The following CNNM3 variants were observed in gnomAD, a reference collection of about 807,000 sequenced individuals.
The protein encoded by CNNM3 is metal transporter CNNM3.
A neutral mutation model predicts 57.1 loss-of-function variants in CNNM3; 47 were observed. The ratio of observed to expected loss-of-function variants is 0.82; its 90% CI spans 0.65 to 1.05. The LOEUF is 1.05. Ranked by LOEUF, CNNM3 falls within the 50% of genes least tolerant of loss-of-function variation. The probability of loss-of-function intolerance (pLI) is 0.00; values close to 1 mark genes in which losing one functional copy is unlikely to be tolerated. For synonymous variants in CNNM3, 507 were observed against 478.2 expected, an observed-to-expected ratio of 1.06 and a Z score of -0.79; for missense variants, 957 against 973.7, an observed-to-expected ratio of 0.98 and a Z score of 0.23.
At position 96,816,294 on chromosome 2, in the gene CNNM3, C is replaced by G. The variant is rs536174643; in HGVS notation, c.17C>G (p.Ala6Gly). ...CAGCAGGCGATGGCGGCGGCGGTAGCTGCGGCGGGTCGGTTAGGCTGGTTG... is the reference window on the plus strand; with the variant it reads ...CAGCAGGCGATGGCGGCGGCGGTAGGTGCGGCGGGTCGGTTAGGCTGGTTG... MAAAV[A>G]AAGRLGWLFA... Residue 6 changes from alanine (A) to glycine (G), a missense_variant, in exon 1 of 8, where the codon GCT (alanine) becomes GGT (glycine). Ala to Gly is a moderately conservative substitution (Grantham distance 60). This residue lies in a region of CNNM3 where 466 missense variants were observed against 403.1 expected (regional missense o/e 1.16). Transcript: ENST00000305510. 7 of 1,292,404 alleles carry G rather than the reference C, an allele frequency of 5.4e-6. No homozygotes were observed. Among genetic ancestry groups the G allele is most frequent in the Non-Finnish European group, 5.9e-6 (6 of 1,021,802 alleles). The allele number at this position is 1,292,404 out of a possible 1,614,324, so 80.1% of individuals were successfully genotyped here. A position where few individuals can be genotyped will look rare whatever the true frequency, so the allele number is the denominator to read the frequency against.
Position 96,817,033 on chromosome 2 carries a change from G to A in CNNM3, c.756G>A (p.Ala252=). 1.5e-6 allele frequency: 2 copies of A among 1,366,898 alleles called. No individual in the cohort carries two copies. The highest frequency in any genetic ancestry group is 9.5e-7 in the Non-Finnish European group (1 of 1,056,806). The allele number at this position is 1,366,898 out of a possible 1,614,324, so 84.7% of individuals were successfully genotyped here. A position where few individuals can be genotyped will look rare whatever the true frequency, so the allele number is the denominator to read the frequency against. The change falls in exon 1 of 8, where the codon GCG becomes GCA. Residue 252 remains alanine, a synonymous_variant. Coordinates refer to ENST00000305510, the MANE Select transcript of CNNM3 (RefSeq NM_017623.5). Reference sequence around the variant, plus strand: ...GCGGGCGCTGGACGCTGGCGCTGGCGCCGCGAGCGCTCGGCCTCAGCCGCC... The same window carrying A: ...GCGGGCGCTGGACGCTGGCGCTGGCACCGCGAGCGCTCGGCCTCAGCCGCC... ...AVSGRWTLAL[A]PRALGLSRLA...
Position 96,825,205 on chromosome 2 carries a change from A to G in CNNM3, c.1369+4A>G. 1 of 1,613,958 alleles carries G rather than the reference A, an allele frequency of 6.2e-7. No individual in the cohort carries two copies. The highest frequency in any genetic ancestry group is 8.5e-7 in the Non-Finnish European group (1 of 1,179,932). On this transcript the variant is annotated splice_donor_region_variant and intron_variant, in intron 2 of 7. Coordinates refer to ENST00000305510, the MANE Select transcript of CNNM3 (RefSeq NM_017623.5). ...CTGGACGAGTCTGAAGACTACCGTG[A>G]GTCCAGACTCTTGGCAGTTCTGTCT...
At chr2:96,820,226 GA>G (rs914361847) in intron 1 of CNNM3, among the ~76,000 whole-genome samples, 1 of 152,224 alleles carries the variant, frequency 6.6e-6, no homozygotes, top group Non-Finnish European at 1.5e-5. Flanking sequence ...AGCAGAGGTG[GA>G]ATTGGGAAGA....
chr2:96,826,876 T>G lies in CNNM3; in HGVS notation c.1413T>G (p.Pro471=). The part of the protein sequence containing the change: ...VKRKPASLMA[P]LKRKEEFSLF... The stretch of plus-strand genomic sequence containing the variant: ...GGAAGCCTGCTTCTCTGATGGCCCC[T>G]CTGAAGCGGAAGGAGGAGTTCTCCT... Residue 471 remains proline (P), a synonymous_variant, in exon 3 of 8, where the codon CCT becomes CCG. Coordinates refer to ENST00000305510, the MANE Select transcript of CNNM3 (RefSeq NM_017623.5). The G allele has an allele frequency of 6.2e-7, 1 of 1,614,234 alleles. No homozygotes were observed. Among genetic ancestry groups the G allele is most frequent in the Non-Finnish European group, 8.5e-7 (1 of 1,180,026 alleles).
At position 96,818,989 on chromosome 2, in the gene CNNM3, C is replaced by CAA. The variant is rs2079367030; in HGVS notation, c.1225+1487_1225+1488insAA. Among the ~76,000 whole-genome samples, 9 of 152,340 alleles carry CAA rather than the reference C, an allele frequency of 5.9e-5. No homozygotes were observed. The South Asian group carries it at 1.9e-3, about 32-fold the overall frequency. On this transcript the variant is annotated intron_variant, in intron 1 of 7. Coordinates refer to ENST00000305510, the MANE Select transcript of CNNM3 (RefSeq NM_017623.5). ...ACTCCTGACTGAGCACTGCCGTGTG[C>CAA]CAGGAGCTGATGGGCACTTTCTGTG...
rs1261533725 is a variant in CNNM3, at chr2:96,816,539, G to C, written c.262G>C (p.Glu88Gln). 6.7e-6 allele frequency: 9 copies of C among 1,344,274 alleles called. No individual in the cohort carries two copies. The highest frequency in any genetic ancestry group is 8.6e-6 in the Non-Finnish European group (9 of 1,049,322). The allele number at this position is 1,344,274 out of a possible 1,614,324, so 83.3% of individuals were successfully genotyped here. The stretch of plus-strand genomic sequence containing the variant: ...GGCCCCGGAGGGGGCGGGCTGCCGG[G>C]AGGAGGCGGCCTCCCCCGCGGGCGA... ...WVAPEGAGCR[E>Q]EAASPAGEWR... The change falls in exon 1 of 8, where the codon GAG (glutamate) becomes CAG (glutamine). Residue 88 changes from glutamate to glutamine, a missense_variant. By Grantham distance (29) the Glu-to-Gln change is conservative. Around this residue, in one of 2 missense-constraint regions of CNNM3, gnomAD observed 466 missense variants for 403.1 expected, o/e 1.16. Transcript: ENST00000305510.
intron 3 of CNNM3, among the ~76,000 whole-genome samples, 193 bp from the exon 4 acceptor site, chr2:96,827,538 G>T (rs2079529548): frequency 6.6e-6 from 1 of 152,188 alleles, no homozygotes; most frequent in Non-Finnish European, 1.5e-5. Flanking sequence ...AAAGTGTTGG[G>T]ATTACAGGCG....
chr2:96,829,702 AG>A (rs2079570223), intron 7 of CNNM3, among the ~76,000 whole-genome samples: 10 of 151,840 alleles, frequency 6.6e-5, no homozygotes, highest in Admixed American at 6.6e-4. Context: ...TGGTATTTAG[AG>A]TAGAGTATAG....
intron 6 of CNNM3, 53 bp from the exon 7 acceptor site, chr2:96,828,943 C>T: frequency 6.2e-7 from 1 of 1,601,972 alleles, no homozygotes; most frequent in Admixed American, 1.7e-5. Flanking sequence ...TTCCTGCCTA[C>T]CTTCTGCATC....
chr2:96,816,611 C>A lies in CNNM3; in HGVS notation c.334C>A (p.Pro112Thr). The A allele has an allele frequency of 3.4e-6, 4 of 1,183,736 alleles. No individual in the cohort carries two copies. Among genetic ancestry groups the A allele is most frequent in the Non-Finnish European group, 4.2e-6 (4 of 957,444 alleles). The allele number at this position is 1,183,736 out of a possible 1,614,324, so 73.3% of individuals were successfully genotyped here. Residue 112 changes from proline to threonine, a missense_variant, in exon 1 of 8, where the codon CCG (proline) becomes ACG (threonine). Pro to Thr is a conservative substitution (Grantham distance 38). Transcript: ENST00000305510. ...GCGCCTGCGGGCCGAGGCCGTGCGC[C>A]CGCACTCGGCGCTGCTGGCGGTGCG... ...RLRLRAEAVRPHSALLAVRVE... is the reference protein window; with the variant it reads ...RLRLRAEAVRTHSALLAVRVE...
In CNNM3 at chr2:96,832,822, G is replaced by A; in HGVS notation, c.*206G>A. ...CGGCCCTGCCCTCCTTTAGGAGACA[G>A]GAGTCACCAGGGCACAGCCCTCCAG... On this transcript the variant is annotated 3_prime_UTR_variant, in exon 8 of 8. Transcript: ENST00000305510. 1 of 1,513,772 alleles carries A rather than the reference G, an allele frequency of 6.6e-7. No homozygotes were observed. The highest frequency in any genetic ancestry group is 8.8e-7 in the Non-Finnish European group (1 of 1,133,186). 93.8% of individuals were successfully genotyped at this position (1,513,772 alleles called of 1,614,324 possible). A position where few individuals can be genotyped will look rare whatever the true frequency, so the allele number is the denominator to read the frequency against.
chr2:96,816,719 G>T lies in CNNM3; in HGVS notation c.442G>T (p.Ala148Ser). The T allele has an allele frequency of 9.9e-7, 1 of 1,012,416 alleles. No homozygotes were observed. The highest frequency in any genetic ancestry group is 1.7e-5 in the African/African-American group (1 of 57,380). 62.7% of individuals were successfully genotyped at this position (1,012,416 alleles called of 1,614,324 possible). The change falls in exon 1 of 8, where the codon GCA becomes TCA. Residue 148 changes from alanine (A) to serine (S), a missense_variant. Around this residue, in one of 2 missense-constraint regions of CNNM3, gnomAD observed 466 missense variants for 403.1 expected, o/e 1.16. Coordinates refer to ENST00000305510, the MANE Select transcript of CNNM3 (RefSeq NM_017623.5). The part of the protein sequence containing the change: ...GLGAAGLLAL[A>S]ALARGLQLSA... ...GGGGGCGGCCGGGCTGCTGGCGCTG[G>T]CAGCGCTGGCGCGAGGCCTGCAGCT...
At chr2:96,819,315 A>T (rs1195788989) in intron 1 of CNNM3, among the ~76,000 whole-genome samples, 3 of 152,208 alleles carry the variant, frequency 2.0e-5, no homozygotes, top group Non-Finnish European at 4.4e-5. Context: ...TCAGCGGAGT[A>T]GGTTCCATCC....
chr2:96,819,828 A>T (rs1405865961), intron 1 of CNNM3, among the ~76,000 whole-genome samples: 2 of 152,278 alleles, frequency 1.3e-5, no homozygotes, highest in East Asian at 3.9e-4. Flanking sequence ...GATGCTCAGG[A>T]TGAGGCTGGT....
In CNNM3 at chr2:96,816,950, G is replaced by A. The variant is rs2079329660; in HGVS notation, c.673G>A (p.Val225Met). 1 of 1,297,234 alleles carries A rather than the reference G, an allele frequency of 7.7e-7. No individual in the cohort carries two copies. Among genetic ancestry groups the A allele is most frequent in the African/African-American group, 1.6e-5 (1 of 63,114 alleles). 80.4% of individuals were successfully genotyped at this position (1,297,234 alleles called of 1,614,324 possible). ...RAAGQRAVPA[V>M]LGSAGLVFLV... Reference sequence around the variant, plus strand: ...GGCCGGCCAGCGTGCGGTGCCCGCCGTGTTGGGCAGCGCGGGGCTCGTGTT... The same window carrying A: ...GGCCGGCCAGCGTGCGGTGCCCGCCATGTTGGGCAGCGCGGGGCTCGTGTT... The change falls in exon 1 of 8, where the codon GTG becomes ATG. Residue 225 changes from valine to methionine, a missense_variant. This residue lies in a region of CNNM3 where 466 missense variants were observed against 403.1 expected (regional missense o/e 1.16). Coordinates refer to ENST00000305510, the MANE Select transcript of CNNM3 (RefSeq NM_017623.5).
rs776472677 is a variant in CNNM3 at position 96,832,595 on chromosome 2, T to A, written c.2103T>A (p.Pro701=). 6.2e-7 allele frequency: 1 copy of A among 1,614,122 alleles called. No individual in the cohort carries two copies. Among genetic ancestry groups the A allele is most frequent in the Non-Finnish European group, 8.5e-7 (1 of 1,180,032 alleles). Reference sequence around the variant, plus strand: ...CCGGCGTCCCGGTGGAAGGCAGCCCTGGGCGGAACCCAGGCGTTTAACGGC... The same window carrying A: ...CCGGCGTCCCGGTGGAAGGCAGCCCAGGGCGGAACCCAGGCGTTTAACGGC... The part of the protein sequence containing the change: ...SRPGVPVEGS[P]GRNPGV Residue 701 remains proline (P), a synonymous_variant, in exon 8 of 8, where the codon CCT becomes CCA. Coordinates refer to ENST00000305510, the MANE Select transcript of CNNM3 (RefSeq NM_017623.5).
chr2:96,835,036 A>ACAT lies in CNNM3; in HGVS notation c.*2422_*2424dup, dbSNP rs1356714228. ...ACAGTCCAAATCATTTGTCACATGT[A>ACAT]CATCTGTGTAACTACCACTGCAATC... On this transcript the variant is annotated 3_prime_UTR_variant, in exon 8 of 8. Transcript: ENST00000305510. 2.6e-5 allele frequency among the ~76,000 whole-genome samples: 4 copies of ACAT among 152,162 alleles called. No homozygotes were observed. Among genetic ancestry groups the ACAT allele is most frequent in the African/African-American group, 9.7e-5 (4 of 41,448 alleles).
chr2:96,825,019 G>T (rs200861617), intron 1 of CNNM3, 39 bp from the exon 2 acceptor site: 15 of 1,609,594 alleles, frequency 9.3e-6, no homozygotes, highest in East Asian at 6.7e-5. Flanking sequence ...AACTGGGGGG[G>T]GCCCAGCAAG....
At chr2:96,831,402 G>C (rs2079600487) in intron 7 of CNNM3, among the ~76,000 whole-genome samples, 1 of 152,160 alleles carries the variant, frequency 6.6e-6, no homozygotes, top group Non-Finnish European at 1.5e-5. Flanking sequence ...GGCACTAGAC[G>C]CCCAGCAGAG....
Sources: gnomAD v4.1 joint callset for allele counts (sites outside exome capture counted in the v4.1 genomes callset) on GRCh38, gnomAD v4.1.1 for gene constraint, gnomAD v4.1.1 regional missense constraint, MANE v1.5 for transcripts, NCBI Gene and HGNC (gene_info 2026-07-23, HGNC 2026-07-21) for gene names.